The following OMA1 variants were observed in gnomAD, a reference collection of about 807,000 sequenced individuals.
The protein encoded by OMA1 is metalloendopeptidase OMA1, mitochondrial.
In OMA1, 38 loss-of-function variants were observed where a neutral mutation model predicts 30.9. The observed-to-expected ratio is 1.23, with a 90% confidence interval of 0.95 to 1.61. The LOEUF is 1.61. OMA1 is among the 40% of genes most tolerant of loss of function. The probability of loss-of-function intolerance (pLI) is 0.00; values close to 1 mark genes in which losing one functional copy is unlikely to be tolerated. For synonymous variants in OMA1, 173 were observed against 121.9 expected (o/e 1.42, Z -2.76); for missense variants, 461 against 349.2 (o/e 1.32, Z -2.55).
chr1:58,513,632 T>C (rs1284818242), intron 7 of OMA1, among the ~76,000 whole-genome samples: 1 of 152,168 alleles, frequency 6.6e-6, no homozygotes. Context: ...ACTAAGATAA[T>C]GGAGAGACTA....
chr1:58,495,443 T>C (rs1228326757), intron 8 of OMA1, among the ~76,000 whole-genome samples: 2 of 152,026 alleles, frequency 1.3e-5, no homozygotes, highest in African/African-American at 2.4e-5. Flanking sequence ...CATTCCTTTT[T>C]TTAGGATTTA....
intron 7 of OMA1, among the ~76,000 whole-genome samples, chr1:58,509,773 A>C (rs1012455546): frequency 7.9e-5 from 12 of 151,928 alleles, no homozygotes; most frequent in Non-Finnish European, 4.4e-5. Context: ...AAAAAGACTT[A>C]AGTGAACAAA....
At chr1:58,501,721 C>T (rs568544465) in intron 8 of OMA1, among the ~76,000 whole-genome samples, 1 of 152,272 alleles carries the variant, frequency 6.6e-6, no homozygotes, top group Admixed American at 6.5e-5. Flanking sequence ...CCCATCTCTG[C>T]TCACACATAA....
intron 8 of OMA1, among the ~76,000 whole-genome samples, chr1:58,498,050 G>A (rs1318087612): frequency 6.6e-6 from 1 of 151,902 alleles, no homozygotes; most frequent in Non-Finnish European, 1.5e-5. Flanking sequence ...TCCCCTATAA[G>A]GCCCTGATAT....
At chr1:58,493,031 A>C (rs936786854) in intron 8 of OMA1, among the ~76,000 whole-genome samples, 1 of 152,236 alleles carries the variant, frequency 6.6e-6, no homozygotes, top group Non-Finnish European at 1.5e-5. Flanking sequence ...AATACTGGCA[A>C]ACCAAATCCA....
intron 7 of OMA1, among the ~76,000 whole-genome samples, chr1:58,515,090 A>G (rs1286790422): frequency 3.9e-5 from 6 of 152,166 alleles, no homozygotes; most frequent in African/African-American, 1.4e-4. Flanking sequence ...ACATACCTCC[A>G]CAGGTTCATC....
chr1:58,491,073 C>T (rs1034835283), intron 8 of OMA1, among the ~76,000 whole-genome samples: 1 of 152,052 alleles, frequency 6.6e-6, no homozygotes, highest in African/African-American at 2.4e-5. Flanking sequence ...TCCCAAAGTG[C>T]TGAGATTACA....
intron 6 of OMA1, among the ~76,000 whole-genome samples, chr1:58,528,703 T>A (rs1646388233): frequency 1.3e-5 from 2 of 152,298 alleles, no homozygotes; most frequent in Middle Eastern, 3.4e-3. Flanking sequence ...GCTTTAAATG[T>A]GTCATTCGGT....
intron 1 of OMA1, among the ~76,000 whole-genome samples, chr1:58,543,924 T>G (rs1569990336): frequency 6.6e-6 from 1 of 152,208 alleles, no homozygotes; most frequent in South Asian, 2.1e-4. Flanking sequence ...ATGTGACTGG[T>G]GCATCTGAGG....
At chr1:58,529,811 G>A (rs1646405684) in intron 6 of OMA1, among the ~76,000 whole-genome samples, 1 of 152,112 alleles carries the variant, frequency 6.6e-6, no homozygotes, top group South Asian at 2.1e-4. Context: ...TGAATTACAA[G>A]TAATCTAGAG....
chr1:58,542,667 C>T (rs988601830), intron 1 of OMA1, among the ~76,000 whole-genome samples: 4 of 152,166 alleles, frequency 2.6e-5, no homozygotes, highest in Admixed American at 1.3e-4. Flanking sequence ...CAAAAACAAC[C>T]CAAGCCCACT....
intron 8 of OMA1, among the ~76,000 whole-genome samples, chr1:58,489,040 C>T (rs1297093299): frequency 6.6e-6 from 1 of 152,204 alleles, no homozygotes; most frequent in African/African-American, 2.4e-5. Flanking sequence ...AACGATTTCT[C>T]CATTTCCAAC....
intron 8 of OMA1, among the ~76,000 whole-genome samples, chr1:58,486,276 A>G (rs754308445): frequency 5.3e-5 from 8 of 152,234 alleles, no homozygotes; most frequent in Non-Finnish European, 1.2e-4. Flanking sequence ...CTGATTTCAC[A>G]TATGAAGAAA....
intron 8 of OMA1, among the ~76,000 whole-genome samples, chr1:58,500,219 G>A (rs1008960689): frequency 5.9e-5 from 9 of 151,964 alleles, no homozygotes; most frequent in African/African-American, 1.7e-4. Flanking sequence ...CAATGTTACT[G>A]TCAGGCTTCC....
chr1:58,540,815 G>GA (rs147800455), intron 1 of OMA1, among the ~76,000 whole-genome samples: 26,852 of 142,602 alleles, frequency 0.19, 2,499 homozygotes, highest in African/African-American at 0.24. Flanking sequence ...GGTGTAGACA[G>GA]AAAAAAAAAA....
At chr1:58,520,229 T>A (rs1646241357) in intron 7 of OMA1, among the ~76,000 whole-genome samples, 1 of 152,104 alleles carries the variant, frequency 6.6e-6, no homozygotes, top group African/African-American at 2.4e-5. Flanking sequence ...GACCTGCACG[T>A]GTACCCTGGA....
At chr1:58,498,730 TAATG>T (rs1645847177) in intron 8 of OMA1, among the ~76,000 whole-genome samples, 1 of 152,196 alleles carries the variant, frequency 6.6e-6, no homozygotes, top group South Asian at 2.1e-4. Context: ...TTTCCCTCAT[TAATG>T]AGTTAAATAA....
chr1:58,521,579 T>C (rs1375936021), intron 7 of OMA1, among the ~76,000 whole-genome samples: 1 of 152,040 alleles, frequency 6.6e-6, no homozygotes, highest in African/African-American at 2.4e-5. Context: ...AAAGGGGACA[T>C]TTAAAAGATA....
chr1:58,545,838 A>G (rs1646693948), intron 1 of OMA1, among the ~76,000 whole-genome samples: 1 of 152,214 alleles, frequency 6.6e-6, no homozygotes, highest in Non-Finnish European at 1.5e-5. Flanking sequence ...TCATTCAAGC[A>G]AAGTACACAC....
Sources: allele counts gnomAD v4.1 joint callset (sites outside exome capture counted in the v4.1 genomes callset), GRCh38; gene constraint gnomAD v4.1.1; transcripts MANE v1.5; gene names NCBI Gene and HGNC (gene_info 2026-07-23, HGNC 2026-07-21).